TNN: variants seen among roughly 807,000 people sequenced by gnomAD.
The protein encoded by TNN is tenascin N, also known as tenascin-N.
TNN carries 122 observed loss-of-function variants against 134.4 expected under a neutral mutation model. That is an observed-to-expected ratio of 0.91 (90% confidence interval 0.78 to 1.06). TNN has a LOEUF of 1.06. Ranked by LOEUF, TNN falls within the 50% of genes least tolerant of loss-of-function variation. TNN has a pLI of 0.00. For missense variants in TNN, 1,739 were observed against 1,699.4 expected, an observed-to-expected ratio of 1.02 and a Z score of -0.41; for synonymous variants, 710 against 670.3, an observed-to-expected ratio of 1.06 and a Z score of -0.91.
chr1:175,119,213 T>C (rs552585279), intron 11 of TNN, among the ~76,000 whole-genome samples: 4 of 152,366 alleles, frequency 2.6e-5, no homozygotes, highest in Admixed American at 2.6e-4. Context: ...TGTCCATTTT[T>C]ATGGTTATTT....
intron 4 of TNN, 99 bp from the exon 5 acceptor site, chr1:175,083,651 T>C: frequency 8.7e-7 from 1 of 1,153,900 alleles, no homozygotes; most frequent in African/African-American, 1.5e-5. Flanking sequence ...TCTTGAGATG[T>C]CAAGAAAGGG....
chr1:175,085,874 C>CA lies in TNN; in HGVS notation c.1324+400dup, dbSNP rs59186260. Among the ~76,000 whole-genome samples, 400 of 81,400 alleles carry CA rather than the reference C, an allele frequency of 4.9e-3. 6 individuals are homozygous for CA. The highest frequency in any genetic ancestry group is 6.5e-3 in the East Asian group (17 of 2,634). The allele number at this position is 81,400 out of a possible 152,430, so 53.4% of individuals were successfully genotyped here. ...GGGCAACAAGAGTGAAACTCCATCT[C>CA]AAAAAAAAAAAAAAAAAAAAGAGAA... On this transcript the variant is annotated intron_variant, in intron 6 of 18. Transcript: ENST00000239462.
At chr1:175,136,267 C>T (rs1675809567) in intron 16 of TNN, among the ~76,000 whole-genome samples, 1 of 152,192 alleles carries the variant, frequency 6.6e-6, no homozygotes, top group African/African-American at 2.4e-5. Flanking sequence ...TGGGAGGTCA[C>T]TCTAGCAGTC....
intron 9 of TNN, among the ~76,000 whole-genome samples, chr1:175,114,099 T>C (rs1675105304): frequency 6.6e-6 from 1 of 152,210 alleles, no homozygotes; most frequent in Non-Finnish European, 1.5e-5. Context: ...TATGTTCCTT[T>C]GGTGGTGTCA....
At chr1:175,140,740 T>G (rs192123963) in intron 17 of TNN, among the ~76,000 whole-genome samples, 54 of 152,324 alleles carry the variant, frequency 3.5e-4, no homozygotes, top group African/African-American at 1.3e-3. Flanking sequence ...CACACAGCAT[T>G]TAGGCAGCGA....
At chr1:175,099,609 GTCA>G (rs1674666966) in intron 9 of TNN, among the ~76,000 whole-genome samples, 2 of 41,322 alleles carry the variant, frequency 4.8e-5, no homozygotes, top group Admixed American at 2.1e-4. Context: ...GAGGTGAGGG[GTCA>G]GGAGGAGGAG....
intron 9 of TNN, among the ~76,000 whole-genome samples, chr1:175,101,327 C>G (rs1345251755): frequency 6.6e-6 from 1 of 151,762 alleles, no homozygotes; most frequent in African/African-American, 2.4e-5. Context: ...TTGGTTCCTC[C>G]CGGTGGGCTC....
At chr1:175,068,607 T>TA (rs1236680810) in intron 1 of TNN, among the ~76,000 whole-genome samples, 1 of 152,118 alleles carries the variant, frequency 6.6e-6, no homozygotes, top group African/African-American at 2.4e-5. Context: ...TCAAGACATC[T>TA]AAAAAAATGA....
intron 1 of TNN, among the ~76,000 whole-genome samples, chr1:175,071,994 A>G (rs1012375950): frequency 1.3e-5 from 2 of 152,210 alleles, no homozygotes; most frequent in African/African-American, 4.8e-5. Flanking sequence ...CTGAGCTCAC[A>G]AGGATACCTG....
rs761224075 is a variant in TNN, at chr1:175,118,563, A to G, written c.2389A>G (p.Ile797Val). The part of the protein sequence containing the change: ...KKADTKAQTD[I>V]DSPQNLVTDW... Reference sequence around the variant, plus strand: ...TTGGTCAGCATTTTTTTTTTCAGACATTGACAGCCCCCAAAACCTGGTCAC... The same window carrying G: ...TTGGTCAGCATTTTTTTTTTCAGACGTTGACAGCCCCCAAAACCTGGTCAC... The change falls in exon 11 of 19, where the codon ATT becomes GTT. Residue 797 changes from isoleucine to valine, a missense_variant and splice_region_variant. Transcript: ENST00000239462. 6 of 1,611,376 alleles carry G rather than the reference A, an allele frequency of 3.7e-6. No homozygotes were observed. Among genetic ancestry groups the G allele is most frequent in the Admixed American group, 3.4e-5 (2 of 59,046 alleles).
chr1:175,121,548 G>A (rs1400180950), intron 11 of TNN, among the ~76,000 whole-genome samples: 1 of 152,150 alleles, frequency 6.6e-6, no homozygotes, highest in Non-Finnish European at 1.5e-5. Context: ...CCACAGTGAG[G>A]AGAATAAATG....
chr1:175,073,483 G>A (rs1232840391), intron 1 of TNN, among the ~76,000 whole-genome samples: 1 of 152,160 alleles, frequency 6.6e-6, no homozygotes, highest in East Asian at 1.9e-4. Context: ...TCTTAGAAGA[G>A]AATTGCTTTT....
intron 7 of TNN, among the ~76,000 whole-genome samples, chr1:175,094,725 G>T (rs967446821): frequency 3.3e-5 from 5 of 152,204 alleles, no homozygotes; most frequent in Admixed American, 2.0e-4. Context: ...AGCCATGAGG[G>T]TTCTCATACT....
chr1:175,114,274 C>G, intron 9 of TNN, among the ~76,000 whole-genome samples: 1 of 152,150 alleles, frequency 6.6e-6, no homozygotes, highest in East Asian at 1.9e-4. Flanking sequence ...CACGTAGGTT[C>G]GGTGGTATAG....
chr1:175,121,704 TG>T (rs1675381552), intron 11 of TNN, among the ~76,000 whole-genome samples: 4 of 22,228 alleles, frequency 1.8e-4, no homozygotes, highest in African/African-American at 6.2e-4. Context: ...GAGGTATGGA[TG>T]ATAATACCTG....
intron 7 of TNN, among the ~76,000 whole-genome samples, chr1:175,095,647 C>T (rs925608805): frequency 6.6e-6 from 1 of 152,218 alleles, no homozygotes; most frequent in Non-Finnish European, 1.5e-5. Context: ...AATCTGGGCT[C>T]ACTGCAACCT....
chr1:175,085,874 CAAAA>C (rs59186260), intron 6 of TNN, among the ~76,000 whole-genome samples: 4 of 81,582 alleles, frequency 4.9e-5, no homozygotes, highest in Admixed American at 1.4e-4. Flanking sequence ...AACTCCATCT[CAAAA>C]AAAAAAAAAA....
At chr1:175,144,316 C>A in intron 17 of TNN, 71 bp from the exon 18 acceptor site, 2 of 1,448,752 alleles carry the variant, frequency 1.4e-6, no homozygotes, top group Non-Finnish European at 9.5e-7. Flanking sequence ...GATCTTCCTG[C>A]TGGGTCCTCT....
At chr1:175,144,633 C>A in intron 18 of TNN, 83 bp downstream of exon 18, 2 of 1,413,206 alleles carry the variant, frequency 1.4e-6, no homozygotes, top group Non-Finnish European at 1.9e-6. Flanking sequence ...GCCAGTCTGG[C>A]AGCCCCTCTC....
Sources: gnomAD v4.1 joint callset for allele counts (sites outside exome capture counted in the v4.1 genomes callset) on GRCh38, gnomAD v4.1.1 for gene constraint, MANE v1.5 for transcripts, NCBI Gene and HGNC (gene_info 2026-07-23, HGNC 2026-07-21) for gene names.